MUC6: variants seen among roughly 807,000 people sequenced by gnomAD.
The protein encoded by MUC6 is mucin 6, oligomeric mucus/gel-forming (gene/pseudogene).
MUC6 carries 188 observed loss-of-function variants against 201.5 expected under a neutral mutation model. The ratio of observed to expected loss-of-function variants is 0.93; its 90% CI spans 0.83 to 1.05. MUC6 has a LOEUF of 1.05. Ranked by LOEUF, MUC6 falls within the 50% of genes least tolerant of loss-of-function variation. The probability of loss-of-function intolerance (pLI) is 0.00; values close to 1 mark genes in which losing one functional copy is unlikely to be tolerated. For synonymous variants in MUC6, 1,228 were observed against 1,389.4 expected, an observed-to-expected ratio of 0.88 and a Z score of 2.58; for missense variants, 2,706 against 3,256.9, an observed-to-expected ratio of 0.83 and a Z score of 4.12.
intron 20 of MUC6, 67 bp downstream of exon 20, chr11:1,026,260 G>A (rs553400395): frequency 5.2e-6 from 8 of 1,544,582 alleles, no homozygotes; most frequent in South Asian, 1.2e-5. Context: ...GCCCCACCCC[G>A]GGCAGCCTCC....
chr11:1,028,548 G>A (rs1857022139), intron 13 of MUC6, 98 bp downstream of exon 13: 1 of 1,544,828 alleles, frequency 6.5e-7, no homozygotes, highest in South Asian at 1.2e-5. Context: ...GGACACAGAG[G>A]GTTGTGTGAA....
In MUC6 at chr11:1,027,831, G is replaced by C; in HGVS notation, c.1849-14C>G. The C allele has an allele frequency of 1.2e-6, 2 of 1,607,330 alleles. No individual in the cohort carries two copies. The highest frequency in any genetic ancestry group is 1.7e-6 in the Non-Finnish European group (2 of 1,178,666). Reference sequence around the variant, plus strand: ...GTACACGCACCTCTGCGGGCAGAGAGCCAGCATGGGCTGGTGGCAGGCACC... The same window carrying C: ...GTACACGCACCTCTGCGGGCAGAGACCCAGCATGGGCTGGTGGCAGGCACC... On this transcript the variant is annotated splice_polypyrimidine_tract_variant and intron_variant, in intron 15 of 32. Transcript: ENST00000421673.
chr11:1,031,806 G>T lies in MUC6; in HGVS notation c.356+7C>A, dbSNP rs753453540. 38 of 1,594,074 alleles carry T rather than the reference G, an allele frequency of 2.4e-5. No homozygotes were observed. Among genetic ancestry groups the T allele is most frequent in the Non-Finnish European group, 3.1e-5 (36 of 1,171,422 alleles). ...CGAGCCCCCGGGCCCCGGCCCACCTGACCTACCCGATGTCCTTGACTGAGA... is the reference window on the plus strand; with the variant it reads ...CGAGCCCCCGGGCCCCGGCCCACCTTACCTACCCGATGTCCTTGACTGAGA... On this transcript the variant is annotated splice_region_variant and intron_variant, in intron 3 of 32. Transcript: ENST00000421673.
chr11:1,027,270 G>A lies in MUC6; in HGVS notation c.2229C>T (p.Thr743=). 6.2e-7 allele frequency: 1 copy of A among 1,612,370 alleles called. No individual in the cohort carries two copies. Among genetic ancestry groups the A allele is most frequent in the Non-Finnish European group, 8.5e-7 (1 of 1,179,830 alleles). The change falls in exon 17 of 33, where the codon ACC becomes ACT. Residue 743 remains threonine (T), a splice_region_variant and synonymous_variant. Transcript: ENST00000421673. ...AEQSTVINGI[T]CHCINGRLSC... The stretch of plus-strand genomic sequence containing the variant: ...CTGGCCCCTGCCCGGTCCCTCACCA[G>A]GTGATGCCGTTGATGACAGTGGACT...
At chr11:1,015,690 G>C in intron 31 of MUC6, 72 bp downstream of exon 31, 1 of 1,496,928 alleles carries the variant, frequency 6.7e-7, no homozygotes, top group Non-Finnish European at 8.9e-7. Context: ...GGGGTAAGCT[G>C]AGGCAGGGGC....
rs1856619293 is a variant in MUC6 at position 1,016,542 on chromosome 11, AG to A, written c.6258del (p.Phe2087SerfsTer28). On this transcript the variant is annotated frameshift_variant, in exon 31 of 33. Transcript: ENST00000421673. LOFTEE classifies it high-confidence loss of function. ...SSFSTATASS[S>X]FISSSSWLPQ... Reference sequence around the variant, plus strand: ...GGCAGCCAAGACGAGGAGGATATGAAGGAAGAAGAGGCTGTAGCTGTGCTGA... The same window carrying A: ...GGCAGCCAAGACGAGGAGGATATGAAGAAGAAGAGGCTGTAGCTGTGCTGA... 11 of 1,522,518 alleles carry A rather than the reference AG, an allele frequency of 7.2e-6. No homozygotes were observed. The highest frequency in any genetic ancestry group is 9.6e-6 in the Non-Finnish European group (11 of 1,142,358). 94.3% of individuals were successfully genotyped at this position (1,522,518 alleles called of 1,614,324 possible). A position where few individuals can be genotyped will look rare whatever the true frequency, so the allele number is the denominator to read the frequency against.
rs533027075 is a variant in MUC6 at position 1,029,254 on chromosome 11, C to T, written c.1249G>A (p.Gly417Ser). ...TGGAGGAGGATGTAGGTGCAGGTGC[C>T]GTGGAAGCGGTAGGGCCTGGCGTCA... ...TFDARPYRFH[G>S]TCTYILLQSP... The change falls in exon 10 of 33, where the codon GGC becomes AGC. Residue 417 changes from glycine (G) to serine (S), a missense_variant. Gly to Ser is a moderately conservative substitution (Grantham distance 56, BLOSUM62 0). Transcript: ENST00000421673. 891 of 1,607,562 alleles carry T rather than the reference C, an allele frequency of 5.5e-4. 10 individuals are homozygous for T. In the South Asian group the frequency reaches 8.8e-3, roughly 16 times the overall value.
At chr11:1,014,285 G>A (rs1219497618) in intron 31 of MUC6, among the ~76,000 whole-genome samples, 1 of 152,230 alleles carries the variant, frequency 6.6e-6, no homozygotes, top group Non-Finnish European at 1.5e-5. Context: ...GGGCCTGTGT[G>A]AGCCACCCTT....
chr11:1,014,977 G>C (rs928143398), intron 31 of MUC6, among the ~76,000 whole-genome samples: 1 of 152,268 alleles, frequency 6.6e-6, no homozygotes, highest in African/African-American at 2.4e-5. Flanking sequence ...GCAGCAACGA[G>C]CTGCCACCCA....
At chr11:1,013,755 G>C (rs1220391972) in intron 32 of MUC6, 122 bp from the exon 33 acceptor site, 1 of 1,399,582 alleles carries the variant, frequency 7.1e-7, no homozygotes, top group African/African-American at 1.4e-5. Context: ...GCTCACAGGG[G>C]CCAGGGCGGT....
intron 26 of MUC6, among the ~76,000 whole-genome samples, 182 bp downstream of exon 26, chr11:1,023,327 T>C (rs1460237722): frequency 6.6e-6 from 1 of 152,020 alleles, no homozygotes; most frequent in Non-Finnish European, 1.5e-5. Flanking sequence ...TGCATGAATC[T>C]GCATGAATGA....
chr11:1,015,683 G>A, intron 31 of MUC6, 79 bp downstream of exon 31: 2 of 1,495,578 alleles, frequency 1.3e-6, no homozygotes, highest in Non-Finnish European at 1.8e-6. Context: ...ACCATGAGGG[G>A]TAAGCTGAGG....
At position 1,025,289 on chromosome 11, in the gene MUC6, C is replaced by A. The variant is rs778803621; in HGVS notation, c.2878G>T (p.Gly960Cys). ...ATGTCCACGACAAGGCTCAGCGCAC[C>A]CGGCGTCACCCCGAGCTGCACGTGG... ...EPHVQLGVTP[G>C]ALSLVVDISI... is the part of the protein sequence containing the mutation. The change falls in exon 23 of 33, where the codon GGT becomes TGT. Residue 960 changes from glycine to cysteine, a missense_variant. Gly to Cys is a radical substitution (Grantham distance 159). Around this residue, in one of 10 missense-constraint regions of MUC6, gnomAD observed 1,850 missense variants for 1,958.3 expected, o/e 0.94. Coordinates refer to ENST00000421673, the MANE Select transcript of MUC6 (RefSeq NM_005961.3). 1 of 1,612,626 alleles carries A rather than the reference C, an allele frequency of 6.2e-7. No individual in the cohort carries two copies. Among genetic ancestry groups the A allele is most frequent in the Admixed American group, 1.7e-5 (1 of 60,012 alleles).
chr11:1,018,851 G>A, intron 30 of MUC6, 81 bp from the exon 31 acceptor site: 1 of 1,496,574 alleles, frequency 6.7e-7, no homozygotes, highest in Non-Finnish European at 8.9e-7. Flanking sequence ...TTTTGTCTAT[G>A]TGACCTTTTT....
At chr11:1,015,597 C>T (rs1307443424) in intron 31 of MUC6, among the ~76,000 whole-genome samples, 165 bp downstream of exon 31, 4 of 152,070 alleles carry the variant, frequency 2.6e-5, no homozygotes, top group Admixed American at 2.6e-4. Context: ...AGAGGGTGCC[C>T]AGGAGAGGAG....
rs1280056024 is a variant in MUC6 at position 1,026,321 on chromosome 11, T to C, written c.2546+6A>G. On this transcript the variant is annotated splice_donor_region_variant and intron_variant, in intron 20 of 32. Transcript: ENST00000421673. Reference sequence around the variant, plus strand: ...CCAGGGCGTCTGAAGCGAGGCTTTGTCTCACCAGGTCCTGCAGTCAGTGTG... The same window carrying C: ...CCAGGGCGTCTGAAGCGAGGCTTTGCCTCACCAGGTCCTGCAGTCAGTGTG... 1.3e-6 allele frequency: 2 copies of C among 1,567,960 alleles called. No homozygotes were observed. Among genetic ancestry groups the C allele is most frequent in the Non-Finnish European group, 1.7e-6 (2 of 1,157,462 alleles).
In MUC6 at chr11:1,032,631, G is replaced by A. The variant is rs192533745; in HGVS notation, c.115+382C>T. Among the ~76,000 whole-genome samples, 21 of 151,302 alleles carry A rather than the reference G, an allele frequency of 1.4e-4. 1 individual carries two copies. In the East Asian group the frequency reaches 4.1e-3, roughly 29 times the overall value. On this transcript the variant is annotated intron_variant, in intron 2 of 32. Transcript: ENST00000421673. Reference sequence around the variant, plus strand: ...TGTAAGTCGTGCGTGTTGTAAGTGTGCATGTTTGCATGTCTGGGATGTGTG... The same window carrying A: ...TGTAAGTCGTGCGTGTTGTAAGTGTACATGTTTGCATGTCTGGGATGTGTG...
chr11:1,033,177 C>A lies in MUC6; in HGVS notation c.53-102G>T, dbSNP rs780251225. The stretch of plus-strand genomic sequence containing the variant: ...TGCTCCGCCCGTTTCCCTGCACACA[C>A]TCGGCGTGCGAGAAGTGTCCATGGC... On this transcript the variant is annotated intron_variant, in intron 1 of 32. Coordinates refer to ENST00000421673, the MANE Select transcript of MUC6 (RefSeq NM_005961.3). The surrounding 1 kb of genome is among the most constrained non-coding windows in gnomAD (Gnocchi z 5.6). 5.0e-6 allele frequency: 6 copies of A among 1,196,082 alleles called. No homozygotes were observed. The South Asian group carries it at 7.4e-5, about 15-fold the overall frequency. The allele number at this position is 1,196,082 out of a possible 1,614,324, so 74.1% of individuals were successfully genotyped here. A position where few individuals can be genotyped will look rare whatever the true frequency, so the allele number is the denominator to read the frequency against.
At chr11:1,030,370 A>ACCCCCCCCCCCCCCCCCCTCC in intron 7 of MUC6, 35 bp from the exon 8 acceptor site, 6 of 992,824 alleles carry the variant, frequency 6.0e-6, no homozygotes, top group African/African-American at 2.4e-5. Context: ...AGAGGGTCCC[A>ACCCCCCCCCCCCCCCCCCTCC]CCCCCCCCAC....
Sources: allele counts gnomAD v4.1 joint callset (sites outside exome capture counted in the v4.1 genomes callset), GRCh38; gene constraint gnomAD v4.1.1; regional missense constraint gnomAD v4.1.1; non-coding constraint Gnocchi (gnomAD v3.1); transcripts MANE v1.5; gene names NCBI Gene and HGNC (gene_info 2026-07-23, HGNC 2026-07-21).